NDUFAF5: variants seen among roughly 807,000 people sequenced by gnomAD.
The protein encoded by NDUFAF5 is NADH:ubiquinone oxidoreductase complex assembly factor 5, also known as arginine-hydroxylase NDUFAF5, mitochondrial.
In NDUFAF5, 34 loss-of-function variants were observed where a neutral mutation model predicts 48.9. The observed-to-expected ratio is 0.70, with a 90% CI of 0.53 to 0.93. The LOEUF (loss-of-function observed/expected upper bound fraction) is 0.93. Ranked by LOEUF, NDUFAF5 falls within the 40% of genes least tolerant of loss-of-function variation. The probability of loss-of-function intolerance (pLI) is 0.00; values close to 1 mark genes in which losing one functional copy is unlikely to be tolerated. For synonymous variants in NDUFAF5, 153 were observed against 150.6 expected (o/e 1.02, Z -0.12); for missense variants, 428 against 427.5 (o/e 1.00, Z -0.01).
At chr20:13,795,871 C>T (rs924195057) in intron 5 of NDUFAF5, among the ~76,000 whole-genome samples, 3 of 152,098 alleles carry the variant, frequency 2.0e-5, no homozygotes, top group African/African-American at 7.2e-5. Context: ...ACTCTTTTCC[C>T]TTTATGTTTT....
chr20:13,785,339 G>GT lies in NDUFAF5; in HGVS notation c.222+53dup, dbSNP rs2147466635. On this transcript the variant is annotated intron_variant, in intron 1 of 10. Transcript: ENST00000378106. ...GGCGGGGCGGGCGACGCGGAGGCTT[G>GT]TTTTCCTCTCCGCTAGTTCCGGCTA... 3.3e-6 allele frequency: 5 copies of GT among 1,498,568 alleles called. No homozygotes were observed. The Admixed American group carries it at 5.7e-5, about 17-fold the overall frequency. 92.8% of individuals were successfully genotyped at this position (1,498,568 alleles called of 1,614,324 possible). A position where few individuals can be genotyped will look rare whatever the true frequency, so the allele number is the denominator to read the frequency against.
At chr20:13,809,730 A>G (rs1258182901) in intron 8 of NDUFAF5, among the ~76,000 whole-genome samples, 1 of 152,196 alleles carries the variant, frequency 6.6e-6, no homozygotes, top group African/African-American at 2.4e-5. Context: ...TAGTCACGAG[A>G]TTAATTTCAG....
chr20:13,790,511 GCCT>G (rs1242507364), intron 3 of NDUFAF5, among the ~76,000 whole-genome samples: 3 of 152,132 alleles, frequency 2.0e-5, no homozygotes, highest in Admixed American at 2.0e-4. Flanking sequence ...TATTGCAGTA[GCCT>G]CCTATTGGTC....
Position 13,801,465 on chromosome 20 carries a change from GT to G in NDUFAF5, c.520-17del. ...TATATATAAAAATTTGAATCATTTT[GT>G]TTTCTTGTATTTATTACAGATTCAT... On this transcript the variant is annotated intron_variant, in intron 6 of 10. Coordinates refer to ENST00000378106, the MANE Select transcript of NDUFAF5 (RefSeq NM_024120.5). The G allele has an allele frequency of 6.7e-7, 1 of 1,487,650 alleles. No homozygotes were observed. Among genetic ancestry groups the G allele is most frequent in the Non-Finnish European group, 9.2e-7 (1 of 1,084,744 alleles). 92.2% of individuals were successfully genotyped at this position (1,487,650 alleles called of 1,614,324 possible).
rs181973913 is a variant in NDUFAF5 at position 13,787,322 on chromosome 20, G to A, written c.233G>A (p.Arg78Gln). The change falls in exon 2 of 11, where the codon CGG becomes CAG. Residue 78 changes from arginine (R) to glutamine (Q), a missense_variant. Physicochemically the swap from Arg to Gln is conservative, Grantham distance 43 (BLOSUM62 1). Coordinates refer to ENST00000378106, the MANE Select transcript of NDUFAF5 (RefSeq NM_024120.5). ...CGTGTAATCCTTCAGGTTGGAAGTC[G>A]GATCGCAGACCGTGTATATGACATA... Reference protein sequence around the residue: ...FDYLKEEVGSRIADRVYDIPR... With the variant: ...FDYLKEEVGSQIADRVYDIPR... 6 of 1,613,952 alleles carry A rather than the reference G, an allele frequency of 3.7e-6. No individual in the cohort carries two copies. The highest frequency in any genetic ancestry group is 2.2e-5 in the East Asian group (1 of 44,864).
intron 4 of NDUFAF5, among the ~76,000 whole-genome samples, chr20:13,793,604 T>C (rs747341683): frequency 3.3e-5 from 5 of 152,228 alleles, no homozygotes; most frequent in Admixed American, 2.0e-4. Context: ...TATTCTAATA[T>C]ATGAATACTC....
chr20:13,795,207 T>C (rs959873587), intron 5 of NDUFAF5, among the ~76,000 whole-genome samples: 1 of 152,168 alleles, frequency 6.6e-6, no homozygotes, highest in African/African-American at 2.4e-5. Flanking sequence ...AAGGTTTTTC[T>C]CCCCAGTGCA....
chr20:13,790,021 G>C lies in NDUFAF5; in HGVS notation c.327+1369G>C, dbSNP rs929445347. Reference sequence around the variant, plus strand: ...GGGATTTGAAAGAATTTGAGTTGGTGGTTCCTAGCATTGGAAATCAGGGCA... The same window carrying C: ...GGGATTTGAAAGAATTTGAGTTGGTCGTTCCTAGCATTGGAAATCAGGGCA... On this transcript the variant is annotated intron_variant, in intron 3 of 10. Coordinates refer to ENST00000378106, the MANE Select transcript of NDUFAF5 (RefSeq NM_024120.5). Among the ~76,000 whole-genome samples the C allele has an allele frequency of 5.3e-5, 8 of 152,218 alleles. No homozygotes were observed. The East Asian group carries it at 1.4e-3, about 26-fold the overall frequency.
Position 13,791,870 on chromosome 20 carries a change from C to T in NDUFAF5, c.328-1310C>T, listed in dbSNP as rs560155679. 2.6e-5 allele frequency among the ~76,000 whole-genome samples: 4 copies of T among 152,324 alleles called. No homozygotes were observed. In the East Asian group the frequency reaches 7.7e-4, roughly 29 times the overall value. On this transcript the variant is annotated intron_variant, in intron 3 of 10. Coordinates refer to ENST00000378106, the MANE Select transcript of NDUFAF5 (RefSeq NM_024120.5). ...TGTGTGGCCCCATATGAATATGCTA[C>T]ACCCAAGGGTAGCTGAAGCTAGCTT...
chr20:13,810,471 G>A (rs1985710001), intron 8 of NDUFAF5, among the ~76,000 whole-genome samples: 1 of 152,170 alleles, frequency 6.6e-6, no homozygotes, highest in South Asian at 2.1e-4. Context: ...GGAGTAGGTT[G>A]AGGAGTAAGT....
In NDUFAF5 at chr20:13,814,789, G is replaced by T. The variant is rs149623145; in HGVS notation, c.779-1674G>T. ...TTTGTAGATGGCAAAACTGGAATTC[G>T]ATAGAGGTTGAATGACTTTGCCCCA... On this transcript the variant is annotated intron_variant, in intron 8 of 10. Coordinates refer to ENST00000378106, the MANE Select transcript of NDUFAF5 (RefSeq NM_024120.5). 3.8e-3 allele frequency among the ~76,000 whole-genome samples: 574 copies of T among 152,248 alleles called. 4 individuals are homozygous for T. Among genetic ancestry groups the T allele is most frequent in the Non-Finnish European group, 5.9e-3 (399 of 68,020 alleles).
In NDUFAF5 at chr20:13,817,251, A is replaced by G; in HGVS notation, c.*41A>G. 1 of 1,411,084 alleles carries G rather than the reference A, an allele frequency of 7.1e-7. No homozygotes were observed. Among genetic ancestry groups the G allele is most frequent in the Non-Finnish European group, 1.0e-6 (1 of 994,884 alleles). The allele number at this position is 1,411,084 out of a possible 1,614,324, so 87.4% of individuals were successfully genotyped here. The stretch of plus-strand genomic sequence containing the variant: ...TAATGTCGTCCAGAATTTTCATCAG[A>G]AATGGATAGCTTTAACATCTAAAAT... On this transcript the variant is annotated 3_prime_UTR_variant, in exon 11 of 11. Transcript: ENST00000378106.
chr20:13,801,336 ATTAGATG>A, intron 6 of NDUFAF5, 143 bp from the exon 7 acceptor site: 1 of 487,548 alleles, frequency 2.1e-6, no homozygotes, highest in Non-Finnish European at 3.5e-6. Context: ...AGTTGGTTGC[ATTAGATG>A]TTATTTGTTA....
chr20:13,797,292 A>C (rs1453782476), intron 5 of NDUFAF5, among the ~76,000 whole-genome samples: 1 of 152,224 alleles, frequency 6.6e-6, no homozygotes, highest in Non-Finnish European at 1.5e-5. Flanking sequence ...AAACCTGCAC[A>C]CAAATGTTTA....
intron 5 of NDUFAF5, among the ~76,000 whole-genome samples, chr20:13,797,525 T>C (rs1044802492): frequency 6.6e-5 from 10 of 152,188 alleles, no homozygotes; most frequent in Admixed American, 3.9e-4. Context: ...TGTGACAATC[T>C]GGAAAAAGCA....
In NDUFAF5 at chr20:13,801,490, A is replaced by G. The variant is rs145095925; in HGVS notation, c.524A>G (p.His175Arg). ...NDLPRALEQI[H>R]YILKPDGVFI... is the part of the protein sequence containing the mutation. Reference sequence around the variant, plus strand: ...GTTTTCTTGTATTTATTACAGATTCATTATATTTTAAAACCAGATGGAGTG... The same window carrying G: ...GTTTTCTTGTATTTATTACAGATTCGTTATATTTTAAAACCAGATGGAGTG... The change falls in exon 7 of 11, where the codon CAT (histidine) becomes CGT (arginine). Residue 175 changes from histidine (H) to arginine (R), a missense_variant. Physicochemically the swap from His to Arg is conservative, Grantham distance 29 (BLOSUM62 0). Transcript: ENST00000378106. 61 of 1,602,728 alleles carry G rather than the reference A, an allele frequency of 3.8e-5. No individual in the cohort carries two copies. Among genetic ancestry groups the G allele is most frequent in the Non-Finnish European group, 4.9e-5 (57 of 1,171,688 alleles).
intron 6 of NDUFAF5, 78 bp downstream of exon 6, chr20:13,798,578 A>T: frequency 8.8e-7 from 1 of 1,141,442 alleles, no homozygotes; most frequent in Non-Finnish European, 1.3e-6. Flanking sequence ...TTCTATTTTC[A>T]CATACTATTT....
intron 2 of NDUFAF5, 150 bp from the exon 3 acceptor site, chr20:13,788,439 A>G (rs1461888368): frequency 7.4e-6 from 5 of 672,496 alleles, no homozygotes; most frequent in South Asian, 6.4e-5. Context: ...AGGCTCTGGT[A>G]TATACAGCTT....
In NDUFAF5 at chr20:13,818,205, C is replaced by T. The variant is rs1213653330; in HGVS notation, c.*995C>T. On this transcript the variant is annotated 3_prime_UTR_variant, in exon 11 of 11. Transcript: ENST00000378106. The stretch of plus-strand genomic sequence containing the variant: ...GGGCTGTGTGTTAGCCTGTACGTAG[C>T]ACATGGGACTTTCCACATAGTAGAT... 2.2e-6 allele frequency: 1 copy of T among 454,076 alleles called. No individual in the cohort carries two copies. The highest frequency in any genetic ancestry group is 1.6e-5 in the South Asian group (1 of 64,476). The allele number at this position is 454,076 out of a possible 1,614,324, so 28.1% of individuals were successfully genotyped here.
Sources: gnomAD v4.1 joint callset for allele counts (sites outside exome capture counted in the v4.1 genomes callset) on GRCh38, gnomAD v4.1.1 for gene constraint, MANE v1.5 for transcripts, NCBI Gene and HGNC (gene_info 2026-07-23, HGNC 2026-07-21) for gene names.